Variants in NAA50 observed in about 807,000 individuals in gnomAD.
NAA50 encodes the protein N-alpha-acetyltransferase 50.
NAA50 carries 7 observed loss-of-function variants against 20.7 expected under a neutral mutation model. That is an observed-to-expected ratio of 0.34 (90% confidence interval 0.19 to 0.63). The LOEUF (loss-of-function observed/expected upper bound fraction) is 0.63, where lower values mean the gene tolerates loss of function less well. NAA50 is among the 30% of genes least tolerant of loss of function. The pLI is 0.75. For synonymous variants in NAA50, 54 were observed against 70.6 expected (o/e 0.77, Z 1.18); for missense variants, 111 against 199.1 (o/e 0.56, Z 2.66).
rs1381251647 is a variant in NAA50, at chr3:113,721,947, A to G, written c.333-10T>C. The G allele has an allele frequency of 1.9e-6, 3 of 1,599,230 alleles. No individual in the cohort carries two copies. The highest frequency in any genetic ancestry group is 1.7e-6 in the Non-Finnish European group (2 of 1,174,714). ...GCTGATCTGGACATGCCTGAGATAT[A>G]AGAGAGTATCAGAAAAAAAATTAAA... On this transcript the variant is annotated splice_polypyrimidine_tract_variant and intron_variant, in intron 4 of 4. Coordinates refer to ENST00000240922, the MANE Select transcript of NAA50 (RefSeq NM_025146.4).
intron 1 of NAA50, among the ~76,000 whole-genome samples, chr3:113,737,256 G>T (rs142576779): frequency 7.9e-5 from 12 of 152,330 alleles, no homozygotes; most frequent in African/African-American, 2.9e-4. Context: ...GCATCTTTTA[G>T]TTAGGATCAA....
chr3:113,726,265 TAAAAAA>T (rs147258939), intron 1 of NAA50, among the ~76,000 whole-genome samples: 2 of 151,982 alleles, frequency 1.3e-5, no homozygotes, highest in African/African-American at 4.8e-5. Flanking sequence ...AAAGTAAAAA[TAAAAAA>T]ATAGACATTT....
At chr3:113,729,476 A>T (rs551458818) in intron 1 of NAA50, among the ~76,000 whole-genome samples, 64 of 151,982 alleles carry the variant, frequency 4.2e-4, no homozygotes, top group Non-Finnish European at 7.8e-4. Context: ...ATTTTGAAAT[A>T]TCCTTTTTGC....
intron 1 of NAA50, among the ~76,000 whole-genome samples, chr3:113,732,957 A>G (rs1390734952): frequency 6.6e-6 from 1 of 150,814 alleles, no homozygotes; most frequent in Non-Finnish European, 1.5e-5. Context: ...GTGATATCTC[A>G]TTGGACGTAT....
At chr3:113,741,358 T>C (rs528976227) in intron 1 of NAA50, 7 of 217,762 alleles carry the variant, frequency 3.2e-5, no homozygotes, top group South Asian at 1.5e-4. Flanking sequence ...AACAATAAAA[T>C]TGTGCCATTA....
intron 1 of NAA50, among the ~76,000 whole-genome samples, chr3:113,736,686 C>A (rs1392340678): frequency 6.6e-6 from 1 of 152,156 alleles, no homozygotes; most frequent in South Asian, 2.1e-4. Context: ...AAAAGTGGGT[C>A]TCGGTAAAAA....
chr3:113,730,786 A>G (rs1708261859), intron 1 of NAA50, among the ~76,000 whole-genome samples: 1 of 152,246 alleles, frequency 6.6e-6, no homozygotes, highest in Non-Finnish European at 1.5e-5. Flanking sequence ...GTTAATGCTG[A>G]ATGGTATTCC....
chr3:113,721,459 T>A lies in NAA50; in HGVS notation c.*301A>T, dbSNP rs112433489. 3.0e-6 allele frequency: 1 copy of A among 336,810 alleles called. No homozygotes were observed. The allele number at this position is 336,810 out of a possible 1,614,324, so 20.9% of individuals were successfully genotyped here. A position where few individuals can be genotyped will look rare whatever the true frequency, so the allele number is the denominator to read the frequency against. Reference sequence around the variant, plus strand: ...CAATGTGAAAGCAGGACATTAAATTTGAAATTATTTGACAATTAAATGTTT... The same window carrying A: ...CAATGTGAAAGCAGGACATTAAATTAGAAATTATTTGACAATTAAATGTTT... On this transcript the variant is annotated 3_prime_UTR_variant, in exon 5 of 5. Transcript: ENST00000240922.
chr3:113,732,582 C>A (rs1708284890), intron 1 of NAA50, among the ~76,000 whole-genome samples: 1 of 151,994 alleles, frequency 6.6e-6, no homozygotes, highest in Middle Eastern at 3.2e-3. Context: ...ACGCTTGGGG[C>A]AGCCTACCTC....
At chr3:113,722,465 C>G (rs1440112790) in intron 4 of NAA50, among the ~76,000 whole-genome samples, 1 of 152,144 alleles carries the variant, frequency 6.6e-6, no homozygotes, top group Admixed American at 6.6e-5. Context: ...AACTCTTTAT[C>G]TACAGCCTCT....
rs957362044 is a variant in NAA50, at chr3:113,720,935, G to C, written c.*825C>G. The C allele has an allele frequency of 1.3e-5, 2 of 152,286 alleles. No homozygotes were observed. The highest frequency in any genetic ancestry group is 4.8e-5 in the African/African-American group (2 of 41,350). 9.4% of individuals were successfully genotyped at this position (152,286 alleles called of 1,614,324 possible). On this transcript the variant is annotated 3_prime_UTR_variant, in exon 5 of 5. Coordinates refer to ENST00000240922, the MANE Select transcript of NAA50 (RefSeq NM_025146.4). ...TTGGGTTTACTGAAGAAAAAGGAAC[G>C]GGAAAAAATTAAATCACAACACACC... is the stretch of plus-strand genomic sequence containing the variant.
chr3:113,734,326 G>C (rs1180145812), intron 1 of NAA50, among the ~76,000 whole-genome samples: 3 of 152,118 alleles, frequency 2.0e-5, no homozygotes, highest in African/African-American at 4.8e-5. Flanking sequence ...GGAGGGGCAA[G>C]AGGTGAAAAA....
rs143151321 is a variant in NAA50, at chr3:113,731,843, C to T, written c.9-7748G>A. Among the ~76,000 whole-genome samples the T allele has an allele frequency of 5.4e-4, 82 of 152,200 alleles. 1 individual carries two copies. The East Asian group carries it at 8.9e-3, about 16-fold the overall frequency. On this transcript the variant is annotated intron_variant, in intron 1 of 4. Coordinates refer to ENST00000240922, the MANE Select transcript of NAA50 (RefSeq NM_025146.4). Reference sequence around the variant, plus strand: ...GTATTCTATTTTGGTATAGTTTATACCACATTTTGTTTATTCATTCACCAG... The same window carrying T: ...GTATTCTATTTTGGTATAGTTTATATCACATTTTGTTTATTCATTCACCAG...
At chr3:113,730,456 GAAA>G (rs533152807) in intron 1 of NAA50, among the ~76,000 whole-genome samples, 8 of 140,202 alleles carry the variant, frequency 5.7e-5, no homozygotes, top group African/African-American at 2.1e-4. Context: ...AAAAAAAAAA[GAAA>G]AAAAAAAACT....
intron 1 of NAA50, among the ~76,000 whole-genome samples, chr3:113,737,340 A>G (rs912525434): frequency 6.6e-6 from 1 of 152,226 alleles, no homozygotes; most frequent in African/African-American, 2.4e-5. Context: ...TAATGTTTCT[A>G]AACTCTTACC....
At chr3:113,722,034 T>C in intron 4 of NAA50, 97 bp from the exon 5 acceptor site, 1 of 1,090,668 alleles carries the variant, frequency 9.2e-7, no homozygotes, top group African/African-American at 1.6e-5. Flanking sequence ...TGTTACATTC[T>C]CTTTACAACT....
At chr3:113,741,560 G>C (rs1227234078) in intron 1 of NAA50, among the ~76,000 whole-genome samples, 1 of 152,170 alleles carries the variant, frequency 6.6e-6, no homozygotes, top group African/African-American at 2.4e-5. Flanking sequence ...GCAATACCTG[G>C]AAGAAAAAAT....
At chr3:113,742,171 G>C (rs189457781) in intron 1 of NAA50, among the ~76,000 whole-genome samples, 131 of 152,232 alleles carry the variant, frequency 8.6e-4, no homozygotes, top group Non-Finnish European at 1.6e-3. Flanking sequence ...ATAAACTGTA[G>C]GTTTATAAAA....
rs1254256999 is a variant in NAA50, at chr3:113,718,700, G to C, written c.*3060C>G. On this transcript the variant is annotated 3_prime_UTR_variant, in exon 5 of 5. Coordinates refer to ENST00000240922, the MANE Select transcript of NAA50 (RefSeq NM_025146.4). ...ACTAGATTGCAGCCTAAAGTGTCAAGTATTTCTAATAATTACATTAAAAAT... is the reference window on the plus strand; with the variant it reads ...ACTAGATTGCAGCCTAAAGTGTCAACTATTTCTAATAATTACATTAAAAAT... 1 of 152,148 alleles carries C rather than the reference G, an allele frequency of 6.6e-6. No homozygotes were observed. Among genetic ancestry groups the C allele is most frequent in the Non-Finnish European group, 1.5e-5 (1 of 68,026 alleles). 9.4% of individuals were successfully genotyped at this position (152,148 alleles called of 1,614,324 possible).
Sources: allele counts gnomAD v4.1 joint callset (sites outside exome capture counted in the v4.1 genomes callset), GRCh38; gene constraint gnomAD v4.1.1; transcripts MANE v1.5; gene names NCBI Gene and HGNC (gene_info 2026-07-23, HGNC 2026-07-21).